The following KIRREL3 variants were observed in gnomAD, a reference collection of about 807,000 sequenced individuals.
The protein encoded by KIRREL3 is kirre like nephrin family adhesion molecule 3, also known as kin of IRRE-like protein 3.
KIRREL3 carries 36 observed loss-of-function variants against 89.7 expected under a neutral mutation model. The observed-to-expected ratio is 0.40, with a 90% CI of 0.31 to 0.53. The LOEUF (loss-of-function observed/expected upper bound fraction) is 0.53, where lower values mean the gene tolerates loss of function less well. Among genes scored for constraint, KIRREL3 ranks in the 20% least tolerant of loss-of-function variants. KIRREL3 has a pLI of 0.49. For missense variants in KIRREL3, 864 were observed against 1,056.6 expected, an observed-to-expected ratio of 0.82 and a Z score of 2.53; for synonymous variants, 445 against 441.4, an observed-to-expected ratio of 1.01 and a Z score of -0.10.
Position 126,620,860 on chromosome 11 carries a change from T to A in KIRREL3, c.56-57948A>T, listed in dbSNP as rs775530139. Among the ~76,000 whole-genome samples the A allele has an allele frequency of 2.8e-4, 42 of 152,196 alleles. No homozygotes were observed. The highest frequency in any genetic ancestry group is 5.7e-4 in the Non-Finnish European group (39 of 68,030). ...ACTAGTGAGGAAGGCCGTACCCCAC[T>A]TGCTGGATGAGAACATACTGACAAA... On this transcript the variant is annotated intron_variant, in intron 1 of 16. Transcript: ENST00000525144. The surrounding 1 kb of genome is among the most constrained non-coding windows in gnomAD (Gnocchi z 4.8).
rs1262300105 is a variant in KIRREL3 at position 126,605,665 on chromosome 11, T to C, written c.56-42753A>G. ...TTGTCGGTTTCACTTAATAAATACA[T>C]TGCCATTCTTGGCCACACATATCCG... On this transcript the variant is annotated intron_variant, in intron 1 of 16. Coordinates refer to ENST00000525144, the MANE Select transcript of KIRREL3 (RefSeq NM_032531.4). This position sits in a 1 kb window ranked among gnomAD's most constrained non-coding sequence, Gnocchi z 5.7. Among the ~76,000 whole-genome samples, 3 of 152,196 alleles carry C rather than the reference T, an allele frequency of 2.0e-5. No individual in the cohort carries two copies. Among genetic ancestry groups the C allele is most frequent in the African/African-American group, 7.2e-5 (3 of 41,446 alleles).
rs999559386 is a variant in KIRREL3, at chr11:126,609,194, G to C, written c.56-46282C>G. On this transcript the variant is annotated intron_variant, in intron 1 of 16. Coordinates refer to ENST00000525144, the MANE Select transcript of KIRREL3 (RefSeq NM_032531.4). The surrounding 1 kb of genome is among the most constrained non-coding windows in gnomAD (Gnocchi z 5.0). ...GCTCTGAGACCGGACCTCAGGAAAG[G>C]GGTGCGGGGAAGGTTGGGTTCAGAA... Among the ~76,000 whole-genome samples the C allele has an allele frequency of 1.3e-5, 2 of 152,098 alleles. No homozygotes were observed. Among genetic ancestry groups the C allele is most frequent in the Non-Finnish European group, 2.9e-5 (2 of 68,020 alleles).
intron 1 of KIRREL3, chr11:126,988,467 G>A (rs907653318): frequency 1.3e-5 from 2 of 152,790 alleles, no homozygotes; most frequent in African/African-American, 4.8e-5. Context: ...CGGCTGTCGG[G>A]ACACCAGTAT....
rs1950632162 is a variant in KIRREL3, at chr11:126,791,277, GA to G, written c.55+209177del. 6.6e-6 allele frequency among the ~76,000 whole-genome samples: 1 copy of G among 152,150 alleles called. No individual in the cohort carries two copies. Among genetic ancestry groups the G allele is most frequent in the African/African-American group, 2.4e-5 (1 of 41,448 alleles). The stretch of plus-strand genomic sequence containing the variant: ...GGTATTTGTTGACCTGATGAGATGA[GA>G]AATAGTTGAGGTATTAAATCGTAAA... On this transcript the variant is annotated intron_variant, in intron 1 of 16. Transcript: ENST00000525144. The surrounding 1 kb of genome is among the most constrained non-coding windows in gnomAD (Gnocchi z 4.8).
In KIRREL3 at chr11:126,526,596, A is replaced by G; in HGVS notation, c.225T>C (p.Asp75=). Residue 75 remains aspartate, a synonymous_variant, in exon 3 of 17, where the codon GAT becomes GAC. Coordinates refer to ENST00000525144, the MANE Select transcript of KIRREL3 (RefSeq NM_032531.4). This position sits in a 1 kb window ranked among gnomAD's most constrained non-coding sequence, Gnocchi z 5.7. ...CGTCCTTGATCCACAGAACGAAGCC[A>G]TCGTATTCGGGGATGGCGCAAAGTA... The part of the protein sequence containing the change: ...VTLLCAIPEY[D]GFVLWIKDGL... 1 of 1,611,708 alleles carries G rather than the reference A, an allele frequency of 6.2e-7. No homozygotes were observed. Among genetic ancestry groups the G allele is most frequent in the Non-Finnish European group, 8.5e-7 (1 of 1,179,066 alleles).
rs1475506046 is a variant in KIRREL3 at position 126,432,621 on chromosome 11, A to G, written c.1589-1095T>C. Among the ~76,000 whole-genome samples the G allele has an allele frequency of 2.6e-5, 4 of 151,390 alleles. No homozygotes were observed. The highest frequency in any genetic ancestry group is 4.4e-5 in the Non-Finnish European group (3 of 67,874). ...CGTCCAGCTCCACCCACAGAGTGAC[A>G]TGTGAGATCCCCCACATCTCATGTG... is the stretch of plus-strand genomic sequence containing the variant. On this transcript the variant is annotated intron_variant, in intron 13 of 16. Transcript: ENST00000525144. This position sits in a 1 kb window ranked among gnomAD's most constrained non-coding sequence, Gnocchi z 6.2.
chr11:126,793,813 A>G lies in KIRREL3; in HGVS notation c.55+206642T>C, dbSNP rs547432638. ...AGATAAGGAACAGGCAGAGGTGAAGAACTCGCGTTCCTCTGCATGACTGAG... is the reference window on the plus strand; with the variant it reads ...AGATAAGGAACAGGCAGAGGTGAAGGACTCGCGTTCCTCTGCATGACTGAG... On this transcript the variant is annotated intron_variant, in intron 1 of 16. Coordinates refer to ENST00000525144, the MANE Select transcript of KIRREL3 (RefSeq NM_032531.4). Among the ~76,000 whole-genome samples the G allele has an allele frequency of 2.0e-3, 305 of 152,340 alleles. 9 individuals are homozygous for G. The highest frequency in any genetic ancestry group is 0.02 in the Admixed American group (303 of 15,304).
At chr11:126,467,081 C>T (rs897122094) in intron 5 of KIRREL3, among the ~76,000 whole-genome samples, 8 of 152,226 alleles carry the variant, frequency 5.3e-5, no homozygotes, top group African/African-American at 1.7e-4. Flanking sequence ...AGCATGTGTC[C>T]GGGAACGAGC....
In KIRREL3 at chr11:126,916,783, A is replaced by G. The variant is rs185777208; in HGVS notation, c.55+83672T>C. ...AGATTTTGGAGCTGGATAAAGCATT[A>G]GTTACATGGTCCAAACTTCTCACAT... On this transcript the variant is annotated intron_variant, in intron 1 of 16. Transcript: ENST00000525144. 2.4e-3 allele frequency among the ~76,000 whole-genome samples: 362 copies of G among 152,358 alleles called. 1 individual carries two copies. The highest frequency in any genetic ancestry group is 8.3e-3 in the African/African-American group (344 of 41,586).
chr11:126,538,044 C>A (rs552879584), intron 2 of KIRREL3, among the ~76,000 whole-genome samples: 1 of 151,754 alleles, frequency 6.6e-6, no homozygotes, highest in Non-Finnish European at 1.5e-5. Context: ...GCCAGAGCAG[C>A]ACCTGTCTTG....
chr11:126,790,670 T>A (rs1438792111), intron 1 of KIRREL3, among the ~76,000 whole-genome samples: 1 of 152,214 alleles, frequency 6.6e-6, no homozygotes, highest in Non-Finnish European at 1.5e-5. Context: ...AGGAATGAGT[T>A]CACGAGCAGA....
In KIRREL3 at chr11:126,774,324, G is replaced by C. The variant is rs184344680; in HGVS notation, c.56-211412C>G. Among the ~76,000 whole-genome samples, 214 of 152,256 alleles carry C rather than the reference G, an allele frequency of 1.4e-3. 1 individual carries two copies. The highest frequency in any genetic ancestry group is 3.4e-3 in the Middle Eastern group (1 of 294). On this transcript the variant is annotated intron_variant, in intron 1 of 16. Coordinates refer to ENST00000525144, the MANE Select transcript of KIRREL3 (RefSeq NM_032531.4). ...AGGGGGAAAGAACTCCGAGTCCACT[G>C]TGGAGGCCACCTCTGTACCCTCTAG... is the stretch of plus-strand genomic sequence containing the variant.
intron 1 of KIRREL3, among the ~76,000 whole-genome samples, chr11:126,988,910 T>G (rs1449296359): frequency 7.4e-6 from 1 of 134,986 alleles, no homozygotes; most frequent in African/African-American, 2.5e-5. Context: ...CAGGTTTTGA[T>G]TTTTTTTTCT....
intron 1 of KIRREL3, among the ~76,000 whole-genome samples, chr11:126,919,474 A>G (rs1174571760): frequency 6.6e-6 from 1 of 152,242 alleles, no homozygotes; most frequent in Non-Finnish European, 1.5e-5. Context: ...GCAGTGAGGA[A>G]TAACAATTAG....
At position 126,686,095 on chromosome 11, in the gene KIRREL3, T is replaced by C. The variant is rs1183152221; in HGVS notation, c.56-123183A>G. ...AGGTGTGAGCAAACCCTGCCTCAGA[T>C]GGCCCCCGAGTCCATCAGCAGCTCC... On this transcript the variant is annotated intron_variant, in intron 1 of 16. Transcript: ENST00000525144. The surrounding 1 kb of genome is among the most constrained non-coding windows in gnomAD (Gnocchi z 4.7). Among the ~76,000 whole-genome samples, 1 of 152,166 alleles carries C rather than the reference T, an allele frequency of 6.6e-6. No homozygotes were observed. Among genetic ancestry groups the C allele is most frequent in the African/African-American group, 2.4e-5 (1 of 41,440 alleles).
chr11:126,957,906 G>T (rs960938632), intron 1 of KIRREL3, among the ~76,000 whole-genome samples: 20 of 152,162 alleles, frequency 1.3e-4, no homozygotes, highest in African/African-American at 4.8e-4. Context: ...AATGGTCAGG[G>T]TGCCATCTAT....
At position 126,458,182 on chromosome 11, in the gene KIRREL3, G is replaced by A. The variant is rs547720795; in HGVS notation, c.743-1728C>T. 3.9e-5 allele frequency among the ~76,000 whole-genome samples: 6 copies of A among 152,350 alleles called. No individual in the cohort carries two copies. The South Asian group carries it at 8.3e-4, about 21-fold the overall frequency. On this transcript the variant is annotated intron_variant, in intron 6 of 16. Transcript: ENST00000525144. ...GCCCTGGGCTGCATCTTCTGGGTCA[G>A]TCCCCACCAACAAGCAGAGCAAATT...
At chr11:126,720,929 GA>G (rs1443298441) in intron 1 of KIRREL3, among the ~76,000 whole-genome samples, 2 of 152,156 alleles carry the variant, frequency 1.3e-5, no homozygotes, top group Non-Finnish European at 2.9e-5. Context: ...CAGGGGCAGG[GA>G]ACAATCTGGG....
chr11:126,790,644 C>T (rs1049277119), intron 1 of KIRREL3, among the ~76,000 whole-genome samples: 3 of 152,066 alleles, frequency 2.0e-5, no homozygotes, highest in South Asian at 2.1e-4. Flanking sequence ...TTGAGGTGAA[C>T]GTAAACAACA....
Sources: gnomAD v4.1 joint callset for allele counts (sites outside exome capture counted in the v4.1 genomes callset) on GRCh38, gnomAD v4.1.1 for gene constraint, Gnocchi (gnomAD v3.1) non-coding constraint, MANE v1.5 for transcripts, NCBI Gene and HGNC (gene_info 2026-07-23, HGNC 2026-07-21) for gene names.